CTNNBL1: variants seen among roughly 807,000 people sequenced by gnomAD.
The protein encoded by CTNNBL1 is beta-catenin-like protein 1.
A neutral mutation model predicts 72.7 loss-of-function variants in CTNNBL1; 31 were observed. The observed-to-expected ratio is 0.43, with a 90% CI of 0.32 to 0.58. CTNNBL1 has a LOEUF of 0.58. CTNNBL1 is among the 20% of genes least tolerant of loss of function. The probability of loss-of-function intolerance (pLI) is 0.08; values close to 1 mark genes in which losing one functional copy is unlikely to be tolerated. For synonymous variants in CTNNBL1, 240 were observed against 267.3 expected, an observed-to-expected ratio of 0.90 and a Z score of 1.00; for missense variants, 534 against 725.1, an observed-to-expected ratio of 0.74 and a Z score of 3.03.
chr20:37,708,086 T>C (rs944704147), intron 1 of CTNNBL1, among the ~76,000 whole-genome samples: 1 of 152,106 alleles, frequency 6.6e-6, no homozygotes, highest in Non-Finnish European at 1.5e-5. Flanking sequence ...CCATAGCAGA[T>C]ATGATAATAA....
intron 1 of CTNNBL1, among the ~76,000 whole-genome samples, chr20:37,708,188 T>C (rs528110602): frequency 6.6e-6 from 1 of 151,896 alleles, no homozygotes; most frequent in East Asian, 1.9e-4. Context: ...CGATAGACTT[T>C]CTTTTTTTTT....
intron 12 of CTNNBL1, among the ~76,000 whole-genome samples, chr20:37,840,903 C>T (rs564246087): frequency 1.6e-4 from 23 of 144,232 alleles, no homozygotes; most frequent in African/African-American, 4.9e-4. Context: ...TTAGATGGTT[C>T]GGGCTATGGA....
chr20:37,704,548 CA>C (rs954593018), intron 1 of CTNNBL1, among the ~76,000 whole-genome samples: 165 of 141,310 alleles, frequency 1.2e-3, no homozygotes, highest in Non-Finnish European at 1.5e-3. Context: ...GACATCGTCT[CA>C]AAAAAAAAAA....
rs1194230721 is a variant in CTNNBL1, at chr20:37,746,592, G to A, written c.451G>A (p.Gly151Arg). 2.5e-6 allele frequency: 4 copies of A among 1,613,896 alleles called. No homozygotes were observed. Among genetic ancestry groups the A allele is most frequent in the East Asian group, 2.2e-5 (1 of 44,890 alleles). Residue 151 changes from glycine to arginine, a missense_variant, in exon 4 of 16, where the codon GGA (glycine) becomes AGA (arginine). Transcript: ENST00000361383. ...TGTACAGTCGCTTCTCGGCTTGCTC[G>A]GACACGATAATACAGATATCCTTTC... The part of the protein sequence containing the change: ...NAVQSLLGLL[G>R]HDNTDVSIAV...
intron 1 of CTNNBL1, among the ~76,000 whole-genome samples, chr20:37,696,936 C>G (rs1049017655): frequency 2.0e-5 from 3 of 151,814 alleles, no homozygotes; most frequent in African/African-American, 7.3e-5. Flanking sequence ...AATCCCAGCA[C>G]TTTGGAAGGC....
At chr20:37,821,546 T>A (rs2072107494) in intron 11 of CTNNBL1, among the ~76,000 whole-genome samples, 1 of 152,230 alleles carries the variant, frequency 6.6e-6, no homozygotes, top group Admixed American at 6.5e-5. Flanking sequence ...TTTCTTGTAA[T>A]ATTTTAAGGC....
intron 4 of CTNNBL1, chr20:37,751,264 T>G (rs1166049678): frequency 1.3e-5 from 2 of 152,182 alleles, no homozygotes; most frequent in African/African-American, 4.8e-5. Flanking sequence ...CAGCTTTCTC[T>G]CCACCCCTTT....
chr20:37,763,357 A>G (rs770237449), intron 5 of CTNNBL1, among the ~76,000 whole-genome samples: 1 of 152,070 alleles, frequency 6.6e-6, no homozygotes, highest in African/African-American at 2.4e-5. Context: ...AGATGGGAAA[A>G]CAGCACTTTC....
At chr20:37,817,992 T>C (rs929069946) in intron 11 of CTNNBL1, among the ~76,000 whole-genome samples, 2 of 152,180 alleles carry the variant, frequency 1.3e-5, no homozygotes, top group Admixed American at 6.5e-5. Context: ...TGGAAAGTAA[T>C]GAGCTCAGGA....
chr20:37,806,533 C>A (rs1290844885), intron 11 of CTNNBL1, among the ~76,000 whole-genome samples: 1 of 152,164 alleles, frequency 6.6e-6, no homozygotes, highest in Admixed American at 6.5e-5. Context: ...ACAAAAGAGT[C>A]ATACACATTC....
Position 37,757,671 on chromosome 20 carries a change from C to T in CTNNBL1, c.564+15C>T. ...TCGATGCTCTGGTAAGTTGCACATC[C>T]TCTGGGGTTTTGCAGGTTTGTATAA... is the stretch of plus-strand genomic sequence containing the variant. On this transcript the variant is annotated intron_variant, in intron 5 of 15. Coordinates refer to ENST00000361383, the MANE Select transcript of CTNNBL1 (RefSeq NM_030877.5). The T allele has an allele frequency of 6.3e-7, 1 of 1,599,640 alleles. No individual in the cohort carries two copies. The highest frequency in any genetic ancestry group is 1.1e-5 in the South Asian group (1 of 90,432).
At chr20:37,819,323 CTT>C (rs1446569755) in intron 11 of CTNNBL1, among the ~76,000 whole-genome samples, 2 of 152,284 alleles carry the variant, frequency 1.3e-5, no homozygotes, top group Middle Eastern at 3.4e-3. Context: ...CTTATCAAGA[CTT>C]AGGTTATTCA....
At chr20:37,697,762 C>G (rs1248167618) in intron 1 of CTNNBL1, among the ~76,000 whole-genome samples, 2 of 152,140 alleles carry the variant, frequency 1.3e-5, no homozygotes, top group African/African-American at 4.8e-5. Flanking sequence ...ACACATCTTA[C>G]CACATTTAAT....
intron 1 of CTNNBL1, among the ~76,000 whole-genome samples, chr20:37,703,198 A>G (rs1308626898): frequency 6.6e-6 from 1 of 152,230 alleles, no homozygotes; most frequent in African/African-American, 2.4e-5. Context: ...TCATATAACC[A>G]TTATGTAAAG....
intron 10 of CTNNBL1, among the ~76,000 whole-genome samples, chr20:37,791,309 T>A (rs2122714355): frequency 6.6e-6 from 1 of 152,360 alleles, no homozygotes; most frequent in African/African-American, 2.4e-5. Context: ...AGTTAACTTT[T>A]TAAGGCACTG....
intron 10 of CTNNBL1, among the ~76,000 whole-genome samples, chr20:37,797,298 A>G (rs2073785462): frequency 6.9e-6 from 1 of 144,978 alleles, no homozygotes; most frequent in African/African-American, 2.6e-5. Flanking sequence ...CATTATCTGT[A>G]TTTCTTGCCA....
chr20:37,762,375 C>A (rs1044814070), intron 5 of CTNNBL1, among the ~76,000 whole-genome samples: 1 of 152,096 alleles, frequency 6.6e-6, no homozygotes, highest in African/African-American at 2.4e-5. Context: ...TCCTTCAAAC[C>A]CTCTCATCTG....
At chr20:37,760,493 G>T (rs1406157513) in intron 5 of CTNNBL1, among the ~76,000 whole-genome samples, 1 of 152,196 alleles carries the variant, frequency 6.6e-6, no homozygotes, top group Non-Finnish European at 1.5e-5. Flanking sequence ...TCTGGCACTT[G>T]TCACATTGGA....
intron 1 of CTNNBL1, among the ~76,000 whole-genome samples, chr20:37,725,138 C>T (rs1459028853): frequency 2.0e-5 from 3 of 152,100 alleles, no homozygotes; most frequent in Admixed American, 6.5e-5. Context: ...AACTCCTGGG[C>T]TCAAGTGAGC....
Sources: gnomAD v4.1 joint callset for allele counts (sites outside exome capture counted in the v4.1 genomes callset) on GRCh38, gnomAD v4.1.1 for gene constraint, MANE v1.5 for transcripts, NCBI Gene and HGNC (gene_info 2026-07-23, HGNC 2026-07-21) for gene names.